HOMER1: variants seen among roughly 807,000 people sequenced by gnomAD.
The protein encoded by HOMER1 is homer protein homolog 1.
Under a neutral mutation model 48.9 loss-of-function variants are expected in HOMER1, and 3 were observed. The observed-to-expected ratio is 0.06, with a 90% CI of 0.03 to 0.16. HOMER1 has a LOEUF of 0.16. Ranked by LOEUF, HOMER1 falls within the 10% of genes least tolerant of loss-of-function variation. The probability of loss-of-function intolerance (pLI) is 1.00; values close to 1 mark genes in which losing one functional copy is unlikely to be tolerated. For missense variants in HOMER1, 247 were observed against 411.4 expected (o/e 0.60, Z 3.46); for synonymous variants, 134 against 146.4 (o/e 0.92, Z 0.61).
At chr5:79,429,375 A>G (rs1339039854) in intron 5 of HOMER1, among the ~76,000 whole-genome samples, 1 of 152,160 alleles carries the variant, frequency 6.6e-6, no homozygotes, top group African/African-American at 2.4e-5. Flanking sequence ...ACTCTGTCTG[A>G]AAAAAAGAAA....
intron 5 of HOMER1, among the ~76,000 whole-genome samples, chr5:79,420,568 T>C (rs1406131169): frequency 6.6e-6 from 1 of 152,226 alleles, no homozygotes; most frequent in East Asian, 1.9e-4. Context: ...TTATTTCTCT[T>C]ATTCCCCCAC....
chr5:79,398,462 A>G (rs1749450605), intron 6 of HOMER1, among the ~76,000 whole-genome samples: 1 of 152,130 alleles, frequency 6.6e-6, no homozygotes. Context: ...TTTTCCAAAT[A>G]TCAAATTACC....
intron 1 of HOMER1, among the ~76,000 whole-genome samples, chr5:79,460,012 T>TTTC (rs1751273603): frequency 1.2e-5 from 1 of 82,516 alleles, no homozygotes; most frequent in Non-Finnish European, 2.8e-5. Flanking sequence ...AGTTTTGCTT[T>TTTC]TTTCTTTCTT....
chr5:79,462,101 C>T (rs538140906), intron 1 of HOMER1, among the ~76,000 whole-genome samples: 2 of 151,896 alleles, frequency 1.3e-5, no homozygotes, highest in African/African-American at 2.4e-5. Flanking sequence ...CAGGAGGCTG[C>T]GGCAGGAGAA....
At chr5:79,408,739 T>C (rs1211272364) in intron 5 of HOMER1, among the ~76,000 whole-genome samples, 1 of 152,036 alleles carries the variant, frequency 6.6e-6, no homozygotes, top group African/African-American at 2.4e-5. Context: ...TTAAAAAAAC[T>C]GATCACAGGA....
intron 5 of HOMER1, among the ~76,000 whole-genome samples, chr5:79,434,764 A>G (rs1750528258): frequency 6.9e-6 from 1 of 145,174 alleles, no homozygotes; most frequent in Non-Finnish European, 1.5e-5. Flanking sequence ...ATACAGTACT[A>G]TAGCACTTGA....
At chr5:79,446,804 ATTTTTTTTTTT>A (rs35036295) in intron 4 of HOMER1, among the ~76,000 whole-genome samples, 4 of 101,732 alleles carry the variant, frequency 3.9e-5, no homozygotes, top group Admixed American at 2.4e-4. Context: ...CACTTGGCTA[ATTTTTTTTTTT>A]TTTTTTTTTT....
chr5:79,506,343 A>G (rs1246810099), intron 1 of HOMER1, among the ~76,000 whole-genome samples: 1 of 152,238 alleles, frequency 6.6e-6, no homozygotes, highest in African/African-American at 2.4e-5. Flanking sequence ...ATTGATTCTT[A>G]TCAGTTTCAT....
chr5:79,391,667 T>C (rs748472545), intron 8 of HOMER1, among the ~76,000 whole-genome samples: 1 of 150,880 alleles, frequency 6.6e-6, no homozygotes. Flanking sequence ...AGCTTGAACC[T>C]GGGAGGCGGA....
rs1329264318 is a variant in HOMER1, at chr5:79,401,932, G to A, written c.651C>T (p.Ala217=). The change falls in exon 6 of 9, where the codon GCC becomes GCT. Residue 217 remains alanine, a synonymous_variant. Transcript: ENST00000334082. ...GCAGACGTTCTGCTTCCTCTTGATA[G>A]GCAGCAAGTTGCTGTTTCCATTGTT... The part of the protein sequence containing the change: ...NVKQWKQQLA[A]YQEEAERLHK... 5.6e-6 allele frequency: 9 copies of A among 1,613,734 alleles called. No individual in the cohort carries two copies. In the South Asian group the frequency reaches 9.9e-5, roughly 18 times the overall value.
chr5:79,502,294 A>T (rs1752617476), intron 1 of HOMER1, among the ~76,000 whole-genome samples: 1 of 152,128 alleles, frequency 6.6e-6, no homozygotes, highest in Non-Finnish European at 1.5e-5. Flanking sequence ...CTGGGATTAC[A>T]GACGTGAGCC....
chr5:79,405,949 C>T (rs1294952225), intron 5 of HOMER1, among the ~76,000 whole-genome samples: 3 of 152,262 alleles, frequency 2.0e-5, no homozygotes, highest in East Asian at 1.9e-4. Context: ...CATGCATATA[C>T]GGTAACAGGG....
In HOMER1 at chr5:79,479,843, A is replaced by C. The variant is rs1414995396; in HGVS notation, c.6-22825T>G. Among the ~76,000 whole-genome samples the C allele has an allele frequency of 7.9e-5, 12 of 152,348 alleles. No individual in the cohort carries two copies. In the East Asian group the frequency reaches 1.9e-3, roughly 24 times the overall value. ...ATGTGTTTTTTCATTAAGAATGTTT[A>C]ATAGTGATAGAATTACCGAAAACCA... On this transcript the variant is annotated intron_variant, in intron 1 of 8. Coordinates refer to ENST00000334082, the MANE Select transcript of HOMER1 (RefSeq NM_004272.5).
At chr5:79,388,515 G>A (rs928520902) in intron 8 of HOMER1, among the ~76,000 whole-genome samples, 10 of 152,026 alleles carry the variant, frequency 6.6e-5, no homozygotes, top group Admixed American at 5.2e-4. Context: ...AACCAACTAT[G>A]AATCAGAAGA....
At chr5:79,409,704 A>G (rs577420182) in intron 5 of HOMER1, among the ~76,000 whole-genome samples, 1 of 152,354 alleles carries the variant, frequency 6.6e-6, no homozygotes, top group Non-Finnish European at 1.5e-5. Context: ...TTTAAAAATG[A>G]GCAAAGAACT....
At chr5:79,439,246 T>C (rs1750679363) in intron 4 of HOMER1, 97 bp from the exon 5 acceptor site, 1 of 1,050,884 alleles carries the variant, frequency 9.5e-7, no homozygotes, top group Admixed American at 2.7e-5. Context: ...GTATGCTTAC[T>C]GATGAACCAA....
At chr5:79,403,398 C>T (rs540711154) in intron 5 of HOMER1, among the ~76,000 whole-genome samples, 2 of 152,052 alleles carry the variant, frequency 1.3e-5, no homozygotes, top group African/African-American at 4.8e-5. Context: ...AGTTTATCAC[C>T]AGAAATATGA....
rs1748807735 is a variant in HOMER1, at chr5:79,377,552, A to T, written c.877-1355T>A. Among the ~76,000 whole-genome samples, 3 of 146,762 alleles carry T rather than the reference A, an allele frequency of 2.0e-5. No individual in the cohort carries two copies. The Admixed American group carries it at 2.1e-4, about 10-fold the overall frequency. On this transcript the variant is annotated intron_variant, in intron 8 of 8. Transcript: ENST00000334082. The stretch of plus-strand genomic sequence containing the variant: ...ATAAACTATATGGGACAACGAAAAT[A>T]TCTTGATGTTAGTTACACAACATGA...
chr5:79,402,836 T>C (rs1002299643), intron 5 of HOMER1, among the ~76,000 whole-genome samples: 2 of 152,234 alleles, frequency 1.3e-5, no homozygotes, highest in Admixed American at 6.5e-5. Flanking sequence ...TTTGAAATTG[T>C]TTTTGATTTA....
Sources: allele counts gnomAD v4.1 joint callset (sites outside exome capture counted in the v4.1 genomes callset), GRCh38; gene constraint gnomAD v4.1.1; transcripts MANE v1.5; gene names NCBI Gene and HGNC (gene_info 2026-07-23, HGNC 2026-07-21).